OGT: variants seen among roughly 807,000 people sequenced by gnomAD.
The protein encoded by OGT is UDP-N-acetylglucosamine--peptide N-acetylglucosaminyltransferase 110 kDa subunit.
Under a neutral mutation model 75.8 loss-of-function variants are expected in OGT, and 3 were observed. The ratio of observed to expected loss-of-function variants is 0.04; its 90% confidence interval spans 0.02 to 0.10. The LOEUF (loss-of-function observed/expected upper bound fraction) is 0.10. OGT is among the 10% of genes least tolerant of loss of function. The pLI, the probability that OGT is intolerant of heterozygous loss-of-function variation, is 1.00. For missense variants in OGT, 260 were observed against 824.4 expected (o/e 0.32, Z 8.38); for synonymous variants, 257 against 289.7 (o/e 0.89, Z 1.15).
At chrX:71,568,524 A>G (rs776679332) in intron 21 of OGT, among the ~76,000 whole-genome samples, 2 of 112,575 alleles carry the variant, frequency 1.8e-5, no homozygotes, top group Admixed American at 9.4e-5. Context: ...TGTAGTAGAA[A>G]TGCCAATTAA....
At chrX:71,558,016 G>A (rs1296572949) in intron 12 of OGT, among the ~76,000 whole-genome samples, 1 of 107,896 alleles carries the variant, frequency 9.3e-6, no homozygotes, top group Non-Finnish European at 1.9e-5. Flanking sequence ...GTGCAGCGGT[G>A]TGATCATGGC....
intron 4 of OGT, chrX:71,545,588 A>G (rs947736488): frequency 8.9e-6 from 1 of 112,516 alleles, no homozygotes; most frequent in East Asian, 2.8e-4. Context: ...CGCGCATGCT[A>G]ATGCGTGGAG....
rs761972804 is a variant in OGT, at chrX:71,547,494, A to C, written c.532-413A>C. 3 of 774,293 alleles carry C rather than the reference A, an allele frequency of 3.9e-6. No individual in the cohort carries two copies. The African/African-American group carries it at 6.9e-5, about 18-fold the overall frequency. The allele number at this position is 774,293 out of a possible 1,213,427, so 63.8% of individuals were successfully genotyped here. On this transcript the variant is annotated intron_variant, in intron 4 of 21. Transcript: ENST00000373719. ...AACACCTCATAGAACACACTTTGGG[A>C]AACAGTGGGGGTAGGAAAACTCGGC...
chrX:71,563,087 T>C, intron 16 of OGT, 43 bp from the exon 17 acceptor site: 3 of 1,200,092 alleles, frequency 2.5e-6, no homozygotes, highest in Non-Finnish European at 3.4e-6. Context: ...CTATTGTCTA[T>C]GTAAATCCTA....
At chrX:71,548,335 G>A (rs1269021989) in intron 5 of OGT, among the ~76,000 whole-genome samples, 1 of 111,592 alleles carries the variant, frequency 9.0e-6, no homozygotes, top group East Asian at 2.8e-4. Flanking sequence ...TAAGAAGGAG[G>A]CTGAGGCAGG....
intron 21 of OGT, among the ~76,000 whole-genome samples, chrX:71,572,213 A>G (rs922285399): frequency 1.8e-5 from 2 of 112,148 alleles, no homozygotes; most frequent in Admixed American, 9.5e-5. Context: ...CCCTTCCATA[A>G]ATTAGTTTTG....
chrX:71,556,221 T>TAA (rs1414484884), intron 8 of OGT, 127 bp downstream of exon 8: 1 of 762,699 alleles, frequency 1.3e-6, no homozygotes, highest in East Asian at 3.3e-5. Context: ...TTCATTGAAG[T>TAA]AACAATTGAG....
At chrX:71,548,535 C>T (rs992975610) in intron 5 of OGT, among the ~76,000 whole-genome samples, 5 of 112,065 alleles carry the variant, frequency 4.5e-5, no homozygotes, top group Non-Finnish European at 9.4e-5. Context: ...TGCCCATCAA[C>T]GGTGGGCTAA....
intron 21 of OGT, among the ~76,000 whole-genome samples, chrX:71,571,528 A>G (rs919465399): frequency 1.1e-4 from 12 of 111,925 alleles, no homozygotes; most frequent in African/African-American, 3.9e-4. Context: ...ACTCCTGAAT[A>G]GCTGGAAATA....
Position 71,559,696 on chromosome X carries a change from C to CT in OGT, c.1851+22dup. 5.3e-6 allele frequency: 6 copies of CT among 1,130,894 alleles called. No homozygotes were observed. The highest frequency in any genetic ancestry group is 3.0e-5 in the East Asian group (1 of 33,262). The allele number at this position is 1,130,894 out of a possible 1,213,427, so 93.2% of individuals were successfully genotyped here. A position where few individuals can be genotyped will look rare whatever the true frequency, so the allele number is the denominator to read the frequency against. On this transcript the variant is annotated intron_variant, in intron 14 of 21. Transcript: ENST00000373719. ...TTCTCAGGTAGATGAAACTCTCATA[C>CT]TTTAACTTTTTATTTTGAGCAAGTT...
intron 4 of OGT, chrX:71,544,980 A>ACTC: frequency 5.1e-6 from 1 of 194,712 alleles, no homozygotes; most frequent in Non-Finnish European, 9.6e-6. Context: ...TTGGCTCAAG[A>ACTC]CTCCTATATG....
At chrX:71,544,791 G>T in intron 4 of OGT, 156 bp downstream of exon 4, 1 of 465,223 alleles carries the variant, frequency 2.1e-6, no homozygotes, top group South Asian at 3.3e-5. Flanking sequence ...AGCAGGGCCA[G>T]GCTTTGGCAT....
At chrX:71,548,140 T>C in intron 5 of OGT, 117 bp downstream of exon 5, 1 of 736,549 alleles carries the variant, frequency 1.4e-6, no homozygotes, top group Non-Finnish European at 2.0e-6. Flanking sequence ...TCTGGCGGTA[T>C]AGGCAGTATG....
chrX:71,565,860 C>T (rs1434961822), intron 19 of OGT, among the ~76,000 whole-genome samples: 1 of 112,090 alleles, frequency 8.9e-6, no homozygotes, highest in Non-Finnish European at 1.9e-5. Flanking sequence ...CTGTGTAGTT[C>T]GCCAACTCCT....
In OGT at chrX:71,549,812, A is replaced by G. The variant is rs150538815; in HGVS notation, c.648+1789A>G. 7.2e-3 allele frequency among the ~76,000 whole-genome samples: 800 copies of G among 111,649 alleles called. 8 individuals are homozygous for G. The highest frequency in any genetic ancestry group is 0.025 in the African/African-American group (764 of 30,695). On this transcript the variant is annotated intron_variant, in intron 5 of 21. Coordinates refer to ENST00000373719, the MANE Select transcript of OGT (RefSeq NM_181672.3). ...TGATTTTTATAAATGGGCTTTAAAG[A>G]AGCAGGGCTTCTTGGTGAAAAGGCA...
rs1232905365 is a variant in OGT at position 71,559,122 on chromosome X, T to C, written c.1603-145T>C. On this transcript the variant is annotated intron_variant, in intron 12 of 21. Transcript: ENST00000373719. ...AGCATATTACATAAAGTGCTGAGGT[T>C]GCATCTCTCTGGCAATATTAACTAA... 7 of 472,893 alleles carry C rather than the reference T, an allele frequency of 1.5e-5. No homozygotes were observed. The South Asian group carries it at 2.5e-4, about 17-fold the overall frequency. 39.0% of individuals were successfully genotyped at this position (472,893 alleles called of 1,213,427 possible). A position where few individuals can be genotyped will look rare whatever the true frequency, so the allele number is the denominator to read the frequency against.
intron 21 of OGT, among the ~76,000 whole-genome samples, chrX:71,570,736 G>A (rs773354312): frequency 9.0e-5 from 9 of 99,701 alleles, no homozygotes; most frequent in Non-Finnish European, 1.8e-4. Context: ...TTGAACCCAG[G>A]CATTAAAAAA....
intron 5 of OGT, among the ~76,000 whole-genome samples, chrX:71,553,072 C>T (rs1190418466): frequency 8.9e-6 from 1 of 112,004 alleles, no homozygotes; most frequent in Non-Finnish European, 1.9e-5. Context: ...GAGTTGTCAT[C>T]TAAGTGAAGA....
At chrX:71,559,102 A>C (rs2040365036) in intron 12 of OGT, among the ~76,000 whole-genome samples, 165 bp from the exon 13 acceptor site, 1 of 109,511 alleles carries the variant, frequency 9.1e-6, no homozygotes. Flanking sequence ...TATGAAGCAT[A>C]TTACATAAAG....
Sources: allele counts gnomAD v4.1 joint callset (sites outside exome capture counted in the v4.1 genomes callset), GRCh38; gene constraint gnomAD v4.1.1; transcripts MANE v1.5; gene names NCBI Gene and HGNC (gene_info 2026-07-23, HGNC 2026-07-21).